TUB: variants seen among roughly 807,000 people sequenced by gnomAD.
TUB encodes TUB bipartite transcription factor, also known as tubby protein homolog.
A neutral mutation model predicts 59.7 loss-of-function variants in TUB; 33 were observed. The ratio of observed to expected loss-of-function variants is 0.55; its 90% CI spans 0.42 to 0.74. TUB has a LOEUF of 0.74. TUB is among the 30% of genes least tolerant of loss of function. The probability of loss-of-function intolerance (pLI) is 0.00; values close to 1 mark genes in which losing one functional copy is unlikely to be tolerated. For missense variants in TUB, 659 were observed against 672.0 expected, an observed-to-expected ratio of 0.98 and a Z score of 0.21; for synonymous variants, 293 against 256.4, an observed-to-expected ratio of 1.14 and a Z score of -1.36.
At chr11:8,020,930 G>C (rs1468567346) in intron 1 of TUB, among the ~76,000 whole-genome samples, 1 of 152,194 alleles carries the variant, frequency 6.6e-6, no homozygotes, top group Non-Finnish European at 1.5e-5. Flanking sequence ...TTTCCTCCGG[G>C]AGATGAGCTC....
At chr11:8,027,000 C>T (rs1198657771) in intron 1 of TUB, among the ~76,000 whole-genome samples, 1 of 152,062 alleles carries the variant, frequency 6.6e-6, no homozygotes, top group East Asian at 1.9e-4. Flanking sequence ...TAAGATGTAT[C>T]CCTAAATTCT....
intron 2 of TUB, among the ~76,000 whole-genome samples, chr11:8,048,829 A>T (rs1942880442): frequency 6.6e-6 from 1 of 152,214 alleles, no homozygotes; most frequent in South Asian, 2.1e-4. Flanking sequence ...TTATGTAATT[A>T]TATGTAAGAT....
At chr11:8,022,569 T>C (rs564107847) in intron 1 of TUB, among the ~76,000 whole-genome samples, 1 of 152,264 alleles carries the variant, frequency 6.6e-6, no homozygotes, top group South Asian at 2.1e-4. Context: ...TGTTAACAAG[T>C]GACTCCTAAA....
At chr11:8,032,283 A>T (rs1275708159) in intron 1 of TUB, among the ~76,000 whole-genome samples, 2 of 152,094 alleles carry the variant, frequency 1.3e-5, no homozygotes, top group Non-Finnish European at 2.9e-5. Flanking sequence ...AACTACCACC[A>T]AGTATCGCCC....
rs2133853168 is a variant in TUB, at chr11:8,094,140, AG to A, written c.353del (p.Gly118AlafsTer37). The part of the protein sequence containing the change: ...AKRTKAAATA[G>X]GQGGAARKEK... ...AGAGAACCAAGGCGGCAGCTACAGC[AG>A]GGGGCCAGGGTGGCGCCGCTAGGAA... is the stretch of plus-strand genomic sequence containing the variant. On this transcript the variant is annotated frameshift_variant, in exon 4 of 12. Transcript: ENST00000299506. LOFTEE classifies it high-confidence loss of function. The A allele has an allele frequency of 6.2e-7, 1 of 1,614,110 alleles. No homozygotes were observed. The highest frequency in any genetic ancestry group is 1.1e-5 in the South Asian group (1 of 91,080).
At chr11:8,078,602 A>C (rs183191517), upstream of TUB, among the ~76,000 whole-genome samples, 19 of 152,028 alleles carry the variant, frequency 1.2e-4, no homozygotes, top group Admixed American at 5.2e-4. Flanking sequence ...GAATGTTAAC[A>C]CTCATGCACT....
intron 1 of TUB, among the ~76,000 whole-genome samples, chr11:8,021,246 T>C (rs372832375): frequency 6.6e-6 from 1 of 152,040 alleles, no homozygotes. Context: ...GCAGATCACT[T>C]GAGATCAGTT....
chr11:8,022,651 A>G (rs531489515), intron 1 of TUB, among the ~76,000 whole-genome samples: 22 of 152,156 alleles, frequency 1.4e-4, no homozygotes, highest in Non-Finnish European at 2.9e-4. Context: ...GCACTTTATG[A>G]GGCCAAGGCG....
At chr11:8,080,245 G>A (rs949436382), upstream of TUB, among the ~76,000 whole-genome samples, 2 of 152,246 alleles carry the variant, frequency 1.3e-5, no homozygotes, top group African/African-American at 4.8e-5. Context: ...CGCCCACGGG[G>A]CGTGTGGGGA....
chr11:8,082,767 G>A (rs1406853047), intron 1 of TUB, among the ~76,000 whole-genome samples: 1 of 152,204 alleles, frequency 6.6e-6, no homozygotes. Flanking sequence ...CTTAAAAGCA[G>A]ATCCTTCTGA....
chr11:8,028,772 G>A (rs943059428), intron 1 of TUB, among the ~76,000 whole-genome samples: 1 of 69,524 alleles, frequency 1.4e-5, no homozygotes, highest in Non-Finnish European at 2.7e-5. Flanking sequence ...ATTTTGGGAG[G>A]CTCGGGTAGG....
At chr11:8,051,240 TTG>T (rs1942930848) in intron 2 of TUB, among the ~76,000 whole-genome samples, 1 of 152,218 alleles carries the variant, frequency 6.6e-6, no homozygotes, top group Admixed American at 6.5e-5. Flanking sequence ...TTACATATGT[TTG>T]TGTGTGCCTA....
chr11:8,037,586 G>A (rs1412394137), upstream of TUB, among the ~76,000 whole-genome samples: 1 of 152,132 alleles, frequency 6.6e-6, no homozygotes, highest in Admixed American at 6.5e-5. Context: ...ATTGTTCCAA[G>A]TTCTCATTGA....
intron 2 of TUB, among the ~76,000 whole-genome samples, chr11:8,046,175 G>A (rs1398129631): frequency 6.6e-6 from 1 of 152,052 alleles, no homozygotes; most frequent in African/African-American, 2.4e-5. Context: ...GAATAATCAG[G>A]GCACTTGCAG....
intron 2 of TUB, among the ~76,000 whole-genome samples, chr11:8,040,638 A>T (rs965953584): frequency 1.1e-4 from 17 of 152,142 alleles, no homozygotes; most frequent in Non-Finnish European, 2.5e-4. Flanking sequence ...AGAAAATCTC[A>T]TGAAGAGAAA....
Position 8,027,675 on chromosome 11 carries a change from T to G in TUB, c.56+8317T>G, listed in dbSNP as rs191196169. The stretch of plus-strand genomic sequence containing the variant: ...GATTACAGGTACCCACCACAACGCC[T>G]GGCTATTTTTTGTATTTTTAGTAGA... On this transcript the variant is annotated intron_variant, in intron 1 of 11. Coordinates refer to the TUB transcript ENST00000534099. 5.3e-4 allele frequency among the ~76,000 whole-genome samples: 80 copies of G among 152,162 alleles called. No individual in the cohort carries two copies. In the East Asian group the frequency reaches 9.9e-3, roughly 19 times the overall value.
At chr11:8,050,812 C>T (rs1440319372) in intron 2 of TUB, among the ~76,000 whole-genome samples, 1 of 152,192 alleles carries the variant, frequency 6.6e-6, no homozygotes, top group African/African-American at 2.4e-5. Flanking sequence ...TGTCTCTTAG[C>T]TCTTTTTTCC....
upstream of TUB, among the ~76,000 whole-genome samples, chr11:8,081,138 G>C (rs1314036421): frequency 6.6e-6 from 1 of 150,944 alleles, no homozygotes; most frequent in Non-Finnish European, 1.5e-5. Flanking sequence ...TGAGCCGGCC[G>C]GGGGGTGGGG....
intron 1 of TUB, among the ~76,000 whole-genome samples, chr11:8,084,385 G>C (rs1277386867): frequency 6.6e-6 from 1 of 152,160 alleles, no homozygotes; most frequent in Non-Finnish European, 1.5e-5. Context: ...TTTTGTTTCT[G>C]TTAGTACTAA....
Sources: gnomAD v4.1 joint callset for allele counts (sites outside exome capture counted in the v4.1 genomes callset) on GRCh38, gnomAD v4.1.1 for gene constraint, MANE v1.5 for transcripts, NCBI Gene and HGNC (gene_info 2026-07-23, HGNC 2026-07-21) for gene names.